Variants in ANKFN1 observed in about 807,000 individuals in gnomAD.
ANKFN1 encodes ankyrin repeat and fibronectin type-III domain-containing protein 1.
ANKFN1 carries 74 observed loss-of-function variants against 108.7 expected under a neutral mutation model. The ratio of observed to expected loss-of-function variants is 0.68; its 90% CI spans 0.56 to 0.83. The LOEUF (loss-of-function observed/expected upper bound fraction) is 0.83. ANKFN1 is among the 40% of genes least tolerant of loss of function. The probability of loss-of-function intolerance (pLI) is 0.00; values close to 1 mark genes in which losing one functional copy is unlikely to be tolerated. For synonymous variants in ANKFN1, 547 were observed against 516.2 expected, an observed-to-expected ratio of 1.06 and a Z score of -0.81; for missense variants, 1,505 against 1,382.3, an observed-to-expected ratio of 1.09 and a Z score of -1.41.
At chr17:56,267,875 G>A (rs1028815078) in intron 3 of ANKFN1, among the ~76,000 whole-genome samples, 1 of 151,804 alleles carries the variant, frequency 6.6e-6, no homozygotes, top group Non-Finnish European at 1.5e-5. Context: ...TTGGCTATTT[G>A]GGCTCTTTTT....
chr17:56,399,957 A>ATC (rs951223904), intron 8 of ANKFN1, among the ~76,000 whole-genome samples: 6 of 149,018 alleles, frequency 4.0e-5, no homozygotes, highest in African/African-American at 1.2e-4. Context: ...ATATATATAT[A>ATC]TCACAATTTT....
rs376003096 is a variant in ANKFN1 at position 56,499,186 on chromosome 17, G to T, written c.2644+88G>T. The T allele has an allele frequency of 3.1e-5, 40 of 1,289,922 alleles. No individual in the cohort carries two copies. In the Middle Eastern group the frequency reaches 8.0e-4, roughly 26 times the overall value. 79.9% of individuals were successfully genotyped at this position (1,289,922 alleles called of 1,614,324 possible). A position where few individuals can be genotyped will look rare whatever the true frequency, so the allele number is the denominator to read the frequency against. ...ATGAGGACTTTTATGCTGAGGTATT[G>T]GTTCCAGAAAGTGGATGAAAACACT... On this transcript the variant is annotated intron_variant, in intron 20 of 20. Transcript: ENST00000682825.
chr17:56,138,613 G>A (rs911717553), intron 4 of ANKFN1, among the ~76,000 whole-genome samples: 10 of 150,932 alleles, frequency 6.6e-5, no homozygotes, highest in East Asian at 2.0e-4. Flanking sequence ...GCATTCAAGC[G>A]ATTCTCCTGT....
At chr17:56,080,361 C>T (rs1905231165) in intron 4 of ANKFN1, among the ~76,000 whole-genome samples, 1 of 152,066 alleles carries the variant, frequency 6.6e-6, no homozygotes, top group African/African-American at 2.4e-5. Flanking sequence ...TTGGGAGAAA[C>T]CAGAGACAAC....
intron 4 of ANKFN1, among the ~76,000 whole-genome samples, chr17:56,101,099 C>T (rs185149810): frequency 9.9e-4 from 151 of 152,210 alleles, no homozygotes; most frequent in African/African-American, 3.5e-3. Flanking sequence ...CAATGGCCCT[C>T]TACAATCCAG....
intron 3 of ANKFN1, among the ~76,000 whole-genome samples, chr17:56,256,141 T>C (rs1470419143): frequency 6.6e-6 from 1 of 152,164 alleles, no homozygotes; most frequent in Non-Finnish European, 1.5e-5. Flanking sequence ...GCAATGTACA[T>C]CACCAGTGCT....
intron 14 of ANKFN1, among the ~76,000 whole-genome samples, chr17:56,459,632 G>A (rs16957254): frequency 0.064 from 9,693 of 152,136 alleles, 1,036 homozygotes; most frequent in African/African-American, 0.22. Context: ...CTACCATACA[G>A]CCCAGACATG....
chr17:56,091,513 A>T (rs2143193936), intron 4 of ANKFN1, among the ~76,000 whole-genome samples: 1 of 151,228 alleles, frequency 6.6e-6, no homozygotes, highest in Middle Eastern at 3.4e-3. Context: ...ATAGGAATAG[A>T]AACAGATTGT....
chr17:56,153,752 G>A lies in ANKFN1; in HGVS notation c.-71+222G>A, dbSNP rs1007469284. On this transcript the variant is annotated intron_variant, in intron 1 of 20. Transcript: ENST00000682825. ...TAATGTGTGTCTTTGTCTTTTGGGA[G>A]GTGGGAGAATGGGGAGATTAAAGGA... is the stretch of plus-strand genomic sequence containing the variant. The A allele has an allele frequency of 9.6e-6, 6 of 626,832 alleles. No individual in the cohort carries two copies. The African/African-American group carries it at 1.1e-4, about 12-fold the overall frequency. The allele number at this position is 626,832 out of a possible 1,614,324, so 38.8% of individuals were successfully genotyped here.
At chr17:56,133,464 C>G (rs532493063) in intron 4 of ANKFN1, among the ~76,000 whole-genome samples, 1 of 151,702 alleles carries the variant, frequency 6.6e-6, no homozygotes, top group Non-Finnish European at 1.5e-5. Flanking sequence ...AAAATGACAG[C>G]CTTAAAAATA....
At chr17:56,346,546 G>A (rs1008623832) in intron 4 of ANKFN1, among the ~76,000 whole-genome samples, 1 of 151,958 alleles carries the variant, frequency 6.6e-6, no homozygotes, top group Non-Finnish European at 1.5e-5. Context: ...ATGCCACAAA[G>A]CTTGCTGTTC....
At chr17:56,076,634 C>T (rs1424367198) in intron 4 of ANKFN1, among the ~76,000 whole-genome samples, 2 of 152,178 alleles carry the variant, frequency 1.3e-5, no homozygotes, top group Admixed American at 6.5e-5. Context: ...TTTCTTTAAG[C>T]TTCCGTTTCT....
At chr17:56,221,757 C>T (rs532924229) in intron 2 of ANKFN1, among the ~76,000 whole-genome samples, 1 of 152,302 alleles carries the variant, frequency 6.6e-6, no homozygotes, top group South Asian at 2.1e-4. Context: ...CATTTGTTTG[C>T]AGTACAGGAG....
intron 4 of ANKFN1, among the ~76,000 whole-genome samples, chr17:56,079,350 T>C (rs1905217883): frequency 6.6e-6 from 1 of 152,062 alleles, no homozygotes; most frequent in African/African-American, 2.4e-5. Flanking sequence ...TCCAATCACA[T>C]ACCTAGCAAC....
chr17:56,058,327 T>C (rs1308508306), intron 4 of ANKFN1, among the ~76,000 whole-genome samples: 2 of 152,272 alleles, frequency 1.3e-5, no homozygotes, highest in Non-Finnish European at 2.9e-5. Context: ...GCCACCTTCA[T>C]GAATAATCTT....
chr17:56,408,188 G>A (rs1176936402), intron 8 of ANKFN1, among the ~76,000 whole-genome samples: 1 of 151,912 alleles, frequency 6.6e-6, no homozygotes, highest in Non-Finnish European at 1.5e-5. Context: ...GCCCACCTCG[G>A]CCTCCCAAAG....
Position 56,515,224 on chromosome 17 carries a change from C to A in ANKFN1, c.*3955C>A, listed in dbSNP as rs1249983790. Among the ~76,000 whole-genome samples the A allele has an allele frequency of 1.3e-5, 2 of 152,122 alleles. No homozygotes were observed. The highest frequency in any genetic ancestry group is 2.9e-5 in the Non-Finnish European group (2 of 67,992). ...ACAGCTCTCTCAACTTCGTATGTAG[C>A]AGAGCTACAGCAAAGAGTGTGTATT... On this transcript the variant is annotated 3_prime_UTR_variant, in exon 21 of 21. Coordinates refer to ENST00000682825, the MANE Select transcript of ANKFN1 (RefSeq NM_001370326.1).
intron 1 of ANKFN1, among the ~76,000 whole-genome samples, chr17:56,202,033 G>A (rs1244269816): frequency 6.6e-6 from 1 of 152,166 alleles, no homozygotes; most frequent in East Asian, 1.9e-4. Context: ...AAAGTGCAAA[G>A]GGCAGAAATG....
chr17:56,447,381 A>G (rs1002314429), intron 10 of ANKFN1, among the ~76,000 whole-genome samples: 2 of 152,236 alleles, frequency 1.3e-5, no homozygotes, highest in Non-Finnish European at 2.9e-5. Context: ...ATTAAGCCAC[A>G]CCACACAAAC....
Sources: allele counts gnomAD v4.1 joint callset (sites outside exome capture counted in the v4.1 genomes callset), GRCh38; gene constraint gnomAD v4.1.1; transcripts MANE v1.5; gene names NCBI Gene and HGNC (gene_info 2026-07-23, HGNC 2026-07-21).